FAM118B: variants seen among roughly 807,000 people sequenced by gnomAD.
FAM118B encodes the protein SIR2 antiphage like 1, also known as protein FAM118B.
Under a neutral mutation model 38.5 loss-of-function variants are expected in FAM118B, and 24 were observed. That is an observed-to-expected ratio of 0.62 (90% confidence interval 0.45 to 0.88). FAM118B has a LOEUF of 0.88. Ranked by LOEUF, FAM118B falls within the 40% of genes least tolerant of loss-of-function variation. The pLI is 0.00. For missense variants in FAM118B, 334 were observed against 420.0 expected (o/e 0.80, Z 1.79); for synonymous variants, 138 against 156.3 (o/e 0.88, Z 0.87).
chr11:126,230,897 C>A (rs1444725618), intron 2 of FAM118B, among the ~76,000 whole-genome samples: 1 of 152,192 alleles, frequency 6.6e-6, no homozygotes, highest in Non-Finnish European at 1.5e-5. Flanking sequence ...GTCCACAAGT[C>A]CTCTGCTGTG....
At chr11:126,259,161 C>T (rs909033442) in intron 7 of FAM118B, among the ~76,000 whole-genome samples, 1 of 152,196 alleles carries the variant, frequency 6.6e-6, no homozygotes, top group Non-Finnish European at 1.5e-5. Flanking sequence ...TCAACCTTAT[C>T]TTTCACCCTT....
At position 126,236,723 on chromosome 11, in the gene FAM118B, CT is replaced by C. The variant is rs112898309; in HGVS notation, c.86+1638del. On this transcript the variant is annotated intron_variant, in intron 3 of 8. Transcript: ENST00000533050. ...CTCTTGTTATTCAGATGTTGGACTT[CT>C]TGTATTAAGTCTCTAATTTTTTATG... Among the ~76,000 whole-genome samples, 459 of 149,878 alleles carry C rather than the reference CT, an allele frequency of 3.1e-3. 2 individuals are homozygous for C. Among genetic ancestry groups the C allele is most frequent in the African/African-American group, 0.011 (442 of 40,782 alleles).
At position 126,262,261 on chromosome 11, in the gene FAM118B, C is replaced by T. The variant is rs80330325; in HGVS notation, c.*128C>T. The T allele has an allele frequency of 2.6e-4, 226 of 861,264 alleles. No individual in the cohort carries two copies. Among genetic ancestry groups the T allele is most frequent in the Non-Finnish European group, 3.6e-4 (200 of 553,566 alleles). 53.4% of individuals were successfully genotyped at this position (861,264 alleles called of 1,614,324 possible). A position where few individuals can be genotyped will look rare whatever the true frequency, so the allele number is the denominator to read the frequency against. ...GTAACAATAGCCAGAGGTTGAAGGG[C>T]GGGGTAGAAGAGGGGGGAATGTTGC... On this transcript the variant is annotated 3_prime_UTR_variant, in exon 9 of 9. Coordinates refer to ENST00000533050, the MANE Select transcript of FAM118B (RefSeq NM_024556.4).
intron 7 of FAM118B, among the ~76,000 whole-genome samples, chr11:126,258,491 T>G (rs533977586): frequency 2.0e-5 from 3 of 152,342 alleles, no homozygotes; most frequent in Non-Finnish European, 4.4e-5. Context: ...AGTAGAATTC[T>G]CCTGTAATGA....
Position 126,256,941 on chromosome 11 carries a change from C to G in FAM118B, c.982+89C>G. The G allele has an allele frequency of 7.5e-7, 1 of 1,341,958 alleles. No individual in the cohort carries two copies. The highest frequency in any genetic ancestry group is 1.0e-6 in the Non-Finnish European group (1 of 976,278). The allele number at this position is 1,341,958 out of a possible 1,614,324, so 83.1% of individuals were successfully genotyped here. On this transcript the variant is annotated intron_variant, in intron 7 of 8. Coordinates refer to ENST00000533050, the MANE Select transcript of FAM118B (RefSeq NM_024556.4). The surrounding 1 kb of genome is among the most constrained non-coding windows in gnomAD (Gnocchi z 6.6). Reference sequence around the variant, plus strand: ...TGTGATGTGATGGGCAAAATAGTTGCCAAGATGAGGAATGTAATGACTGAC... The same window carrying G: ...TGTGATGTGATGGGCAAAATAGTTGGCAAGATGAGGAATGTAATGACTGAC...
In FAM118B at chr11:126,218,940, G is replaced by A. The variant is rs188313925; in HGVS notation, c.-77+7110G>A. On this transcript the variant is annotated intron_variant, in intron 1 of 8. Coordinates refer to ENST00000533050, the MANE Select transcript of FAM118B (RefSeq NM_024556.4). ...TTACTCCAGACCCATTTCAGATTTC[G>A]GTTCATTTTTCTTTAAACCTCTGGA... 5.3e-5 allele frequency among the ~76,000 whole-genome samples: 8 copies of A among 152,088 alleles called. No homozygotes were observed. In the East Asian group the frequency reaches 9.6e-4, roughly 18 times the overall value.
At position 126,262,219 on chromosome 11, in the gene FAM118B, A is replaced by C; in HGVS notation, c.*86A>C. On this transcript the variant is annotated 3_prime_UTR_variant, in exon 9 of 9. Coordinates refer to ENST00000533050, the MANE Select transcript of FAM118B (RefSeq NM_024556.4). ...TTAACAAGTAAACTTACAAGAACCC[A>C]ACACAATTCCCAGAAAGTAACAATA... 1 of 1,444,400 alleles carries C rather than the reference A, an allele frequency of 6.9e-7. No homozygotes were observed. The allele number at this position is 1,444,400 out of a possible 1,614,324, so 89.5% of individuals were successfully genotyped here.
Position 126,256,543 on chromosome 11 carries a change from A to C in FAM118B, c.697-24A>C. 1 of 1,608,792 alleles carries C rather than the reference A, an allele frequency of 6.2e-7. No individual in the cohort carries two copies. The highest frequency in any genetic ancestry group is 1.7e-5 in the Admixed American group (1 of 59,452). On this transcript the variant is annotated intron_variant, in intron 6 of 8. Coordinates refer to ENST00000533050, the MANE Select transcript of FAM118B (RefSeq NM_024556.4). The surrounding 1 kb of genome is among the most constrained non-coding windows in gnomAD (Gnocchi z 6.6). Reference sequence around the variant, plus strand: ...CCTTGAGTGTGTCTTCACAATGTCAATATGTTGTATCTTTTCCTTCCAGAG... The same window carrying C: ...CCTTGAGTGTGTCTTCACAATGTCACTATGTTGTATCTTTTCCTTCCAGAG...
chr11:126,213,353 A>G (rs974552284), intron 1 of FAM118B, among the ~76,000 whole-genome samples: 3 of 152,206 alleles, frequency 2.0e-5, no homozygotes, highest in Non-Finnish European at 1.5e-5. Flanking sequence ...GTAAATGCAG[A>G]TCCAGATACA....
rs1057171425 is a variant in FAM118B, at chr11:126,213,604, A to G, written c.-77+1774A>G. Among the ~76,000 whole-genome samples, 10 of 152,356 alleles carry G rather than the reference A, an allele frequency of 6.6e-5. 1 individual carries two copies. In the South Asian group the frequency reaches 2.1e-3, roughly 32 times the overall value. ...AGTTTTGACATCGGGACTTAAATTC[A>G]TATCATTACATTAATTAAAAACTTG... On this transcript the variant is annotated intron_variant, in intron 1 of 8. Transcript: ENST00000533050.
At chr11:126,260,883 C>T (rs989037907) in intron 7 of FAM118B, 2 of 153,344 alleles carry the variant, frequency 1.3e-5, no homozygotes, top group African/African-American at 4.8e-5. Context: ...TCTTCACTGT[C>T]TAGTATCATA....
At chr11:126,227,949 A>G (rs936588719) in intron 1 of FAM118B, among the ~76,000 whole-genome samples, 1 of 151,692 alleles carries the variant, frequency 6.6e-6, no homozygotes, top group Admixed American at 6.6e-5. Context: ...ATAGGCATGC[A>G]CTACCACACC....
intron 2 of FAM118B, 154 bp downstream of exon 2, chr11:126,229,447 T>C (rs1016892198): frequency 6.6e-6 from 1 of 152,120 alleles, no homozygotes. Context: ...CTTTTGTTTG[T>C]TTTTTTGTTT....
chr11:126,224,125 A>G (rs1247628914), intron 1 of FAM118B, among the ~76,000 whole-genome samples: 3 of 152,266 alleles, frequency 2.0e-5, no homozygotes, highest in African/African-American at 7.2e-5. Flanking sequence ...TAAACAGGCA[A>G]AGGACCCCTG....
At chr11:126,213,314 C>T (rs969145245) in intron 1 of FAM118B, among the ~76,000 whole-genome samples, 5 of 152,160 alleles carry the variant, frequency 3.3e-5, no homozygotes, top group African/African-American at 1.2e-4. Flanking sequence ...AGAAGCAAGG[C>T]TTGTGTACGT....
rs1487894330 is a variant in FAM118B at position 126,235,051 on chromosome 11, T to A, written c.50T>A (p.Phe17Tyr). The A allele has an allele frequency of 6.2e-7, 1 of 1,614,106 alleles. No homozygotes were observed. The highest frequency in any genetic ancestry group is 2.2e-5 in the East Asian group (1 of 44,866). ...QASDIDEIFG[F>Y]FNDGEPPTKK... is the part of the protein sequence containing the mutation. ...TCTGATATAGACGAGATTTTTGGAT[T>A]CTTCAACGATGGCGAACCTCCCACC... The change falls in exon 3 of 9, where the codon TTC becomes TAC. Residue 17 changes from phenylalanine (F) to tyrosine (Y), a missense_variant. By Grantham distance (22) the Phe-to-Tyr change is conservative. Around this residue, in one of 3 missense-constraint regions of FAM118B, gnomAD observed 240 missense variants for 295.9 expected, o/e 0.81. Coordinates refer to ENST00000533050, the MANE Select transcript of FAM118B (RefSeq NM_024556.4).
intron 1 of FAM118B, among the ~76,000 whole-genome samples, chr11:126,223,103 A>C (rs937172067): frequency 2.6e-5 from 1 of 37,822 alleles, no homozygotes. Context: ...GGGGCGGGGG[A>C]GGGGGGGGTG....
At position 126,252,887 on chromosome 11, in the gene FAM118B, T is replaced by G. The variant is rs996649265; in HGVS notation, c.568-1418T>G. On this transcript the variant is annotated intron_variant, in intron 5 of 8. Coordinates refer to ENST00000533050, the MANE Select transcript of FAM118B (RefSeq NM_024556.4). The surrounding 1 kb of genome is among the most constrained non-coding windows in gnomAD (Gnocchi z 4.7). The stretch of plus-strand genomic sequence containing the variant: ...CCGTCTTTACTAAGAATACAAAAAC[T>G]AGCTGGGAGTGGTGGTGCACGCCTG... Among the ~76,000 whole-genome samples, 1 of 151,982 alleles carries G rather than the reference T, an allele frequency of 6.6e-6. No individual in the cohort carries two copies. The highest frequency in any genetic ancestry group is 1.5e-5 in the Non-Finnish European group (1 of 67,992).
At chr11:126,248,975 G>C (rs985447002) in intron 4 of FAM118B, among the ~76,000 whole-genome samples, 8 of 152,206 alleles carry the variant, frequency 5.3e-5, no homozygotes, top group Non-Finnish European at 1.5e-5. Context: ...TGTAAAGCCA[G>C]TTTCCCACCT....
Sources: allele counts gnomAD v4.1 joint callset (sites outside exome capture counted in the v4.1 genomes callset), GRCh38; gene constraint gnomAD v4.1.1; regional missense constraint gnomAD v4.1.1; non-coding constraint Gnocchi (gnomAD v3.1); transcripts MANE v1.5; gene names NCBI Gene and HGNC (gene_info 2026-07-23, HGNC 2026-07-21).